TMEM117: variants seen among roughly 807,000 people sequenced by gnomAD.
TMEM117 encodes the protein transmembrane protein 117.
In TMEM117, 27 loss-of-function variants were observed where a neutral mutation model predicts 52.4. That is an observed-to-expected ratio of 0.51 (90% CI 0.38 to 0.71). The LOEUF (loss-of-function observed/expected upper bound fraction) is 0.71. Among genes scored for constraint, TMEM117 ranks in the 30% least tolerant of loss-of-function variants. TMEM117 has a pLI of 0.00. For synonymous variants in TMEM117, 215 were observed against 206.3 expected (o/e 1.04, Z -0.36); for missense variants, 556 against 630.5 (o/e 0.88, Z 1.26).
intron 3 of TMEM117, among the ~76,000 whole-genome samples, chr12:44,131,589 C>T (rs1948414585): frequency 6.6e-6 from 1 of 151,930 alleles, no homozygotes. Context: ...TATGTTATTT[C>T]ACATTTTCTA....
At chr12:44,240,724 C>A (rs1227861899) in intron 5 of TMEM117, among the ~76,000 whole-genome samples, 2 of 151,682 alleles carry the variant, frequency 1.3e-5, no homozygotes, top group Non-Finnish European at 2.9e-5. Context: ...ATTTTGGAGA[C>A]CTTTCCACAT....
intron 2 of TMEM117, among the ~76,000 whole-genome samples, chr12:43,863,078 T>C (rs535854735): frequency 6.6e-6 from 1 of 152,216 alleles, no homozygotes; most frequent in South Asian, 2.1e-4. Flanking sequence ...AAACCCTGTC[T>C]CTACTGAAAT....
At chr12:43,870,220 C>A (rs1943678810) in intron 2 of TMEM117, among the ~76,000 whole-genome samples, 1 of 151,364 alleles carries the variant, frequency 6.6e-6, no homozygotes, top group Non-Finnish European at 1.5e-5. Context: ...AATAGTGCTG[C>A]AGTGAACATG....
intron 3 of TMEM117, among the ~76,000 whole-genome samples, chr12:44,052,666 A>G (rs1946992725): frequency 6.6e-6 from 1 of 152,270 alleles, no homozygotes; most frequent in South Asian, 2.1e-4. Context: ...ATTTAAGGCA[A>G]CAACTGCTGG....
At chr12:44,106,081 C>T (rs1592521702) in intron 3 of TMEM117, among the ~76,000 whole-genome samples, 1 of 152,032 alleles carries the variant, frequency 6.6e-6, no homozygotes, top group African/African-American at 2.4e-5. Flanking sequence ...GAGGTTTCTA[C>T]TTAAGGGTTT....
intron 3 of TMEM117, among the ~76,000 whole-genome samples, chr12:44,029,951 C>T (rs551385607): frequency 3.3e-5 from 5 of 152,258 alleles, no homozygotes; most frequent in Admixed American, 6.5e-5. Flanking sequence ...TTCACAATGG[C>T]GGCCTGCATT....
rs569770601 is a variant in TMEM117, at chr12:44,031,616, A to G, written c.410+87274A>G. 1.7e-4 allele frequency among the ~76,000 whole-genome samples: 26 copies of G among 152,296 alleles called. No individual in the cohort carries two copies. The South Asian group carries it at 2.1e-3, about 12-fold the overall frequency. ...TACCTTTTTGCTTAAAATGCTGCTG[A>G]TACTTTGTTCTGTTTTTCAGAGTTG... On this transcript the variant is annotated intron_variant, in intron 3 of 7. Coordinates refer to ENST00000266534, the MANE Select transcript of TMEM117 (RefSeq NM_032256.3).
At chr12:43,936,797 G>C (rs1944958392) in intron 2 of TMEM117, among the ~76,000 whole-genome samples, 1 of 152,134 alleles carries the variant, frequency 6.6e-6, no homozygotes, top group Non-Finnish European at 1.5e-5. Flanking sequence ...CAATGCATTT[G>C]CCAGAACAAC....
chr12:44,388,900 T>C lies in TMEM117; in HGVS notation c.*228T>C. ...GTCCTCTAGAGATTGCTTTTCACAA[T>C]TGCACAAGCTATTACTGACTTTACA... is the stretch of plus-strand genomic sequence containing the variant. On this transcript the variant is annotated 3_prime_UTR_variant, in exon 8 of 8. Transcript: ENST00000266534. 1.9e-6 allele frequency: 1 copy of C among 522,640 alleles called. No individual in the cohort carries two copies. Among genetic ancestry groups the C allele is most frequent in the African/African-American group, 1.9e-5 (1 of 52,590 alleles). 32.4% of individuals were successfully genotyped at this position (522,640 alleles called of 1,614,324 possible). A position where few individuals can be genotyped will look rare whatever the true frequency, so the allele number is the denominator to read the frequency against.
chr12:44,018,456 A>G (rs767375845), intron 3 of TMEM117, among the ~76,000 whole-genome samples: 7 of 152,210 alleles, frequency 4.6e-5, no homozygotes, highest in Non-Finnish European at 1.0e-4. Context: ...TAGATGAAAC[A>G]CATTTGAAGT....
intron 2 of TMEM117, among the ~76,000 whole-genome samples, chr12:43,874,681 G>A (rs1257919581): frequency 6.6e-6 from 1 of 152,130 alleles, no homozygotes; most frequent in Admixed American, 6.5e-5. Context: ...AGTCTACACA[G>A]GTTCTAGGAT....
At chr12:44,279,769 C>T (rs1464240147) in intron 5 of TMEM117, among the ~76,000 whole-genome samples, 1 of 152,164 alleles carries the variant, frequency 6.6e-6, no homozygotes, top group Non-Finnish European at 1.5e-5. Flanking sequence ...CCACCCTGGC[C>T]TCCCAAAGTG....
At chr12:44,148,529 CAA>C in intron 4 of TMEM117, among the ~76,000 whole-genome samples, 1 of 152,084 alleles carries the variant, frequency 6.6e-6, no homozygotes, top group East Asian at 1.9e-4. Flanking sequence ...ATAAGTACTG[CAA>C]TATCTGTCTA....
At chr12:44,084,218 G>A (rs1196884427) in intron 3 of TMEM117, among the ~76,000 whole-genome samples, 1 of 151,976 alleles carries the variant, frequency 6.6e-6, no homozygotes. Flanking sequence ...TTGGAACAAG[G>A]GGAATACTAA....
chr12:44,397,354 G>C, the TMEM117 span, among the ~76,000 whole-genome samples: 1 of 152,162 alleles, frequency 6.6e-6, no homozygotes, highest in African/African-American at 2.4e-5. Flanking sequence ...TCTTTTAAAA[G>C]AAAGGAAATA....
At chr12:43,897,229 T>C (rs960685412) in intron 2 of TMEM117, among the ~76,000 whole-genome samples, 10 of 152,208 alleles carry the variant, frequency 6.6e-5, no homozygotes, top group Non-Finnish European at 1.5e-4. Context: ...CTTGAAATGT[T>C]TCCTTGGACT....
At chr12:44,317,194 G>A (rs1434520286) in intron 6 of TMEM117, among the ~76,000 whole-genome samples, 1 of 146,886 alleles carries the variant, frequency 6.8e-6, no homozygotes, top group East Asian at 2.0e-4. Context: ...AAGTTGCACT[G>A]GTTCTTTCTC....
intron 3 of TMEM117, among the ~76,000 whole-genome samples, chr12:44,049,614 G>T (rs17094016): frequency 0.025 from 3,726 of 150,208 alleles, 82 homozygotes; most frequent in Middle Eastern, 0.06. Context: ...TTCCTTGCAT[G>T]TGGGACATTA....
chr12:44,116,415 C>G (rs979226089), intron 3 of TMEM117, among the ~76,000 whole-genome samples: 2 of 151,960 alleles, frequency 1.3e-5, no homozygotes, highest in Non-Finnish European at 2.9e-5. Context: ...AACTGCACTT[C>G]TAGCCTGAAT....
Sources: gnomAD v4.1 joint callset for allele counts (sites outside exome capture counted in the v4.1 genomes callset) on GRCh38, gnomAD v4.1.1 for gene constraint, MANE v1.5 for transcripts, NCBI Gene and HGNC (gene_info 2026-07-23, HGNC 2026-07-21) for gene names.